The following SETBP1 variants were observed in gnomAD, a reference collection of about 807,000 sequenced individuals.
The protein encoded by SETBP1 is SET-binding protein.
In SETBP1, 9 loss-of-function variants were observed where a neutral mutation model predicts 101.0. The ratio of observed to expected loss-of-function variants is 0.09; its 90% CI spans 0.05 to 0.16. SETBP1 has a LOEUF of 0.16. Among genes scored for constraint, SETBP1 ranks in the 10% least tolerant of loss-of-function variants. SETBP1 has a pLI of 1.00. For synonymous variants in SETBP1, 818 were observed against 788.5 expected, an observed-to-expected ratio of 1.04 and a Z score of -0.63; for missense variants, 1,858 against 2,033.8, an observed-to-expected ratio of 0.91 and a Z score of 1.66.
chr18:44,865,908 T>C (rs546182327), intron 2 of SETBP1, among the ~76,000 whole-genome samples: 1 of 152,216 alleles, frequency 6.6e-6, no homozygotes, highest in Non-Finnish European at 1.5e-5. Context: ...GAGTTAAACA[T>C]TCCAAATCTC....
intron 1 of SETBP1, among the ~76,000 whole-genome samples, chr18:44,698,331 T>A (rs1226217391): frequency 6.6e-6 from 1 of 152,210 alleles, no homozygotes; most frequent in African/African-American, 2.4e-5. Context: ...TTATTCCTTC[T>A]CCACTGCCAT....
At chr18:44,703,188 C>G (rs1451548020) in intron 2 of SETBP1, among the ~76,000 whole-genome samples, 1 of 151,832 alleles carries the variant, frequency 6.6e-6, no homozygotes, top group Non-Finnish European at 1.5e-5. Context: ...TTTTGGGGTT[C>G]TAGGTTGTAG....
At chr18:45,058,294 A>G (rs528685071) in intron 5 of SETBP1, among the ~76,000 whole-genome samples, 1 of 152,326 alleles carries the variant, frequency 6.6e-6, no homozygotes, top group South Asian at 2.1e-4. Flanking sequence ...ATCTGTAAAC[A>G]TTTAGAGGGA....
Position 45,063,375 on chromosome 18 carries a change from A to G in SETBP1, c.4468A>G (p.Ser1490Gly), listed in dbSNP as rs1487396980. The G allele has an allele frequency of 6.4e-7, 1 of 1,563,848 alleles. No homozygotes were observed. Among genetic ancestry groups the G allele is most frequent in the East Asian group, 2.4e-5 (1 of 41,504 alleles). ...DLPSKRGQKP[S>G]LSPLVLEPAA... ...GCCCAGCAAAAGAGGCCAGAAGCCC[A>G]GCCTGAGCCCGCTGGTGCTGGAGCC... The change falls in exon 6 of 6, where the codon AGC becomes GGC. Residue 1490 changes from serine to glycine, a missense_variant. Physicochemically the swap from Ser to Gly is moderately conservative, Grantham distance 56 (BLOSUM62 0). Around this residue, in one of 12 missense-constraint regions of SETBP1, gnomAD observed 178 missense variants for 189.1 expected, o/e 0.94. Coordinates refer to ENST00000649279, the MANE Select transcript of SETBP1 (RefSeq NM_015559.3).
At chr18:44,764,464 C>T (rs898920135) in intron 2 of SETBP1, among the ~76,000 whole-genome samples, 5 of 151,770 alleles carry the variant, frequency 3.3e-5, no homozygotes, top group African/African-American at 4.8e-5. Context: ...CTTCTTTCTT[C>T]GTTCTTCTTC....
intron 2 of SETBP1, among the ~76,000 whole-genome samples, chr18:44,713,148 C>T (rs1485142303): frequency 2.0e-5 from 3 of 151,790 alleles, no homozygotes; most frequent in Non-Finnish European, 4.4e-5. Context: ...TTAGTAGAGA[C>T]GGGGTTTCAC....
chr18:44,991,653 A>C (rs897468847), intron 4 of SETBP1, among the ~76,000 whole-genome samples: 8 of 152,204 alleles, frequency 5.3e-5, no homozygotes, highest in African/African-American at 1.9e-4. Flanking sequence ...TATAAAGTAA[A>C]GATGACAAAG....
At chr18:44,914,018 C>G (rs1275425987) in intron 3 of SETBP1, among the ~76,000 whole-genome samples, 1 of 152,176 alleles carries the variant, frequency 6.6e-6, no homozygotes, top group African/African-American at 2.4e-5. Flanking sequence ...CAGACCTGGT[C>G]TGTCAGTGTC....
intron 5 of SETBP1, among the ~76,000 whole-genome samples, chr18:45,050,893 T>C (rs2145551968): frequency 6.6e-6 from 1 of 152,366 alleles, no homozygotes; most frequent in South Asian, 2.1e-4. Context: ...CTCCAATGCC[T>C]GAAGATATTT....
Position 45,028,722 on chromosome 18 carries a change from A to G in SETBP1, c.4001-9763A>G, listed in dbSNP as rs1306851521. 5.9e-5 allele frequency among the ~76,000 whole-genome samples: 9 copies of G among 152,262 alleles called. No individual in the cohort carries two copies. In the Middle Eastern group the frequency reaches 0.014, roughly 230 times the overall value. On this transcript the variant is annotated intron_variant, in intron 4 of 5. Coordinates refer to ENST00000649279, the MANE Select transcript of SETBP1 (RefSeq NM_015559.3). ...GCCATTCTAACTGTTGTGAGATGGT[A>G]TCTCATTGTGGTTTTGATTTGCATT...
rs1388650352 is a variant in SETBP1 at position 45,065,046 on chromosome 18, G to C, written c.*1348G>C. 4 of 152,136 alleles carry C rather than the reference G, an allele frequency of 2.6e-5. No individual in the cohort carries two copies. Among genetic ancestry groups the C allele is most frequent in the Non-Finnish European group, 5.9e-5 (4 of 68,020 alleles). 9.4% of individuals were successfully genotyped at this position (152,136 alleles called of 1,614,324 possible). On this transcript the variant is annotated 3_prime_UTR_variant, in exon 6 of 6. Coordinates refer to ENST00000649279, the MANE Select transcript of SETBP1 (RefSeq NM_015559.3). ...AATGTAATTATAAATCTATCAGTCT[G>C]CATGGATGCAAACTGTGTGTGACAA...
chr18:45,031,628 TA>T (rs2073299400), intron 4 of SETBP1, among the ~76,000 whole-genome samples: 1 of 152,230 alleles, frequency 6.6e-6, no homozygotes. Context: ...TGCAGTTTCC[TA>T]AAAGGTTTGA....
chr18:44,706,392 C>G (rs1000263311), intron 2 of SETBP1, among the ~76,000 whole-genome samples: 3 of 151,516 alleles, frequency 2.0e-5, no homozygotes, highest in Non-Finnish European at 4.4e-5. Flanking sequence ...TCGAGATCAG[C>G]CTGCCCAACG....
chr18:44,862,395 A>G (rs1365842627), intron 2 of SETBP1, among the ~76,000 whole-genome samples: 2 of 152,172 alleles, frequency 1.3e-5, no homozygotes, highest in South Asian at 2.1e-4. Context: ...TTAAAATTTC[A>G]TGAGGCTGAG....
At chr18:44,874,183 G>T (rs1307510064) in intron 3 of SETBP1, among the ~76,000 whole-genome samples, 1 of 152,120 alleles carries the variant, frequency 6.6e-6, no homozygotes, top group Non-Finnish European at 1.5e-5. Context: ...TAACAAATAA[G>T]GGCTTTTATA....
intron 3 of SETBP1, among the ~76,000 whole-genome samples, chr18:44,914,428 A>C (rs948290506): frequency 6.6e-6 from 1 of 152,234 alleles, no homozygotes; most frequent in Non-Finnish European, 1.5e-5. Flanking sequence ...TCAAAGATTG[A>C]AGTTTTATTT....
chr18:44,920,837 C>G (rs2070563462), intron 3 of SETBP1, among the ~76,000 whole-genome samples: 1 of 150,156 alleles, frequency 6.7e-6, no homozygotes, highest in African/African-American at 2.4e-5. Flanking sequence ...TAAAAACTAG[C>G]TACTGGCATC....
chr18:44,951,855 C>T lies in SETBP1; in HGVS notation c.2515C>T (p.Pro839Ser). Residue 839 changes from proline (P) to serine (S), a missense_variant, in exon 4 of 6, where the codon CCT (proline) becomes TCT (serine). Pro to Ser is a moderately conservative substitution (Grantham distance 74). Around this residue, in one of 12 missense-constraint regions of SETBP1, gnomAD observed 121 missense variants for 138.0 expected, o/e 0.88. Coordinates refer to ENST00000649279, the MANE Select transcript of SETBP1 (RefSeq NM_015559.3). The surrounding 1 kb of genome is among the most constrained non-coding windows in gnomAD (Gnocchi z 7.8). ...TCCACCCAGACTGATGGCCAACTCC[C>T]CTTCACACCTGTGCGAGATTGGCTC... is the stretch of plus-strand genomic sequence containing the variant. ...LSPPRLMANS[P>S]SHLCEIGSLK... 6.2e-7 allele frequency: 1 copy of T among 1,614,124 alleles called. No homozygotes were observed. Among genetic ancestry groups the T allele is most frequent in the Non-Finnish European group, 8.5e-7 (1 of 1,180,034 alleles).
intron 3 of SETBP1, among the ~76,000 whole-genome samples, chr18:44,937,802 G>T (rs1214151571): frequency 6.6e-6 from 1 of 152,200 alleles, no homozygotes. Context: ...TGTGCGCTCT[G>T]AATATGAGCA....
Sources: gnomAD v4.1 joint callset for allele counts (sites outside exome capture counted in the v4.1 genomes callset) on GRCh38, gnomAD v4.1.1 for gene constraint, gnomAD v4.1.1 regional missense constraint, Gnocchi (gnomAD v3.1) non-coding constraint, MANE v1.5 for transcripts, NCBI Gene and HGNC (gene_info 2026-07-23, HGNC 2026-07-21) for gene names.